Variants in ANO2 observed in about 807,000 individuals in gnomAD.
The protein encoded by ANO2 is anoctamin 2, also known as anoctamin-2.
ANO2 carries 101 observed loss-of-function variants against 124.2 expected under a neutral mutation model. The ratio of observed to expected loss-of-function variants is 0.81; its 90% CI spans 0.69 to 0.96. ANO2 has a LOEUF of 0.96. ANO2 is among the 40% of genes least tolerant of loss of function. The probability of loss-of-function intolerance (pLI) is 0.00; values close to 1 mark genes in which losing one functional copy is unlikely to be tolerated. For missense variants in ANO2, 1,293 were observed against 1,274.5 expected, an observed-to-expected ratio of 1.01 and a Z score of -0.22; for synonymous variants, 486 against 482.5, an observed-to-expected ratio of 1.01 and a Z score of -0.09.
At chr12:5,654,790 T>C (rs1375166345) in intron 14 of ANO2, among the ~76,000 whole-genome samples, 2 of 152,194 alleles carry the variant, frequency 1.3e-5, no homozygotes, top group Non-Finnish European at 2.9e-5. Flanking sequence ...TTATTTACAG[T>C]CTGGCCCATC....
intron 10 of ANO2, among the ~76,000 whole-genome samples, chr12:5,778,427 T>G (rs953580670): frequency 6.6e-6 from 1 of 152,232 alleles, no homozygotes; most frequent in South Asian, 2.1e-4. Flanking sequence ...CACATTATTT[T>G]ACATCTGAAT....
At chr12:5,807,999 G>C (rs531104266) in intron 7 of ANO2, among the ~76,000 whole-genome samples, 1 of 152,234 alleles carries the variant, frequency 6.6e-6, no homozygotes, top group Non-Finnish European at 1.5e-5. Context: ...GTACATAGTG[G>C]GGTGTTGTGG....
intron 10 of ANO2, among the ~76,000 whole-genome samples, chr12:5,776,089 C>T (rs902199818): frequency 7.9e-5 from 12 of 152,178 alleles, no homozygotes; most frequent in African/African-American, 2.2e-4. Context: ...CCTCAGACCA[C>T]GCATCAATAA....
chr12:5,801,749 A>T (rs1019740592), intron 9 of ANO2, among the ~76,000 whole-genome samples: 4 of 152,210 alleles, frequency 2.6e-5, no homozygotes, highest in African/African-American at 7.2e-5. Context: ...TCAGTGCATG[A>T]AGGCAGAGGA....
intron 7 of ANO2, among the ~76,000 whole-genome samples, chr12:5,827,102 C>G (rs1306169425): frequency 6.6e-6 from 1 of 152,196 alleles, no homozygotes; most frequent in African/African-American, 2.4e-5. Context: ...GTTATGGGCA[C>G]AGCTCACATT....
intron 14 of ANO2, among the ~76,000 whole-genome samples, chr12:5,657,852 G>A (rs1057196858): frequency 2.0e-5 from 3 of 152,098 alleles, no homozygotes; most frequent in African/African-American, 7.2e-5. Flanking sequence ...AGGGGACTCT[G>A]ACTGCTTTCA....
At chr12:5,613,043 C>G (rs1370218478) in intron 17 of ANO2, 85 bp from the exon 18 acceptor site, 7 of 1,309,300 alleles carry the variant, frequency 5.3e-6, no homozygotes, top group Non-Finnish European at 7.7e-6. Context: ...GGGAATACCA[C>G]CACCACTGTC....
chr12:5,780,683 A>G (rs1321205441), intron 10 of ANO2, among the ~76,000 whole-genome samples: 1 of 152,194 alleles, frequency 6.6e-6, no homozygotes, highest in Non-Finnish European at 1.5e-5. Flanking sequence ...ACGTGGCCGC[A>G]GGAGGATCCT....
intron 14 of ANO2, among the ~76,000 whole-genome samples, chr12:5,726,555 T>A (rs1950449135): frequency 1.3e-5 from 2 of 152,232 alleles, no homozygotes; most frequent in South Asian, 4.1e-4. Flanking sequence ...TGCCATGTAT[T>A]ATCATTGATC....
chr12:5,578,473 A>G lies in ANO2; in HGVS notation c.2279T>C (p.Leu760Pro), dbSNP rs1942553825. The G allele has an allele frequency of 1.5e-5, 25 of 1,613,858 alleles. No homozygotes were observed. In the East Asian group the frequency reaches 5.6e-4, roughly 36 times the overall value. The change falls in exon 21 of 25, where the codon CTG (leucine) becomes CCG (proline). Residue 760 changes from leucine to proline, a missense_variant. Leu to Pro is a moderately conservative substitution (Grantham distance 98, BLOSUM62 -3). Transcript: ENST00000682330. The part of the protein sequence containing the change: ...FVTLFVASFP[L>P]APVFALLNNV... ...GTTGAGGAGGGCAAACACAGGTGCC[A>G]GGGGAAAGGAGGCCACGAAGAGGGT...
chr12:5,794,362 A>G (rs899503133), intron 10 of ANO2, among the ~76,000 whole-genome samples: 1 of 152,182 alleles, frequency 6.6e-6, no homozygotes, highest in South Asian at 2.1e-4. Flanking sequence ...ATCCTTACAG[A>G]CAAGGTCTGC....
At chr12:5,873,828 G>A (rs750709628) in intron 3 of ANO2, among the ~76,000 whole-genome samples, 7 of 152,214 alleles carry the variant, frequency 4.6e-5, no homozygotes, top group Admixed American at 3.3e-4. Context: ...CAAAGAATGT[G>A]ACAACTGCAC....
At chr12:5,637,006 G>C (rs1454974541) in intron 15 of ANO2, among the ~76,000 whole-genome samples, 1 of 151,138 alleles carries the variant, frequency 6.6e-6, no homozygotes, top group East Asian at 1.9e-4. Context: ...GGTGTGTGTG[G>C]GTGTGGGGAG....
At chr12:5,566,774 C>G (rs964281145) in intron 23 of ANO2, among the ~76,000 whole-genome samples, 4 of 152,148 alleles carry the variant, frequency 2.6e-5, no homozygotes, top group African/African-American at 7.2e-5. Context: ...AAGTGTGTGG[C>G]CAGAGTCTCG....
intron 14 of ANO2, among the ~76,000 whole-genome samples, chr12:5,681,596 G>A (rs1022918717): frequency 3.3e-5 from 5 of 152,158 alleles, no homozygotes; most frequent in South Asian, 2.1e-4. Flanking sequence ...AGTGCAAGTC[G>A]CATTAAAAGT....
chr12:5,597,248 CT>C (rs1943708585), intron 20 of ANO2, among the ~76,000 whole-genome samples: 1 of 152,132 alleles, frequency 6.6e-6, no homozygotes, highest in Non-Finnish European at 1.5e-5. Context: ...TCTCCCTCTT[CT>C]CATCCCCACC....
At chr12:5,858,015 A>C (rs1955158106) in intron 3 of ANO2, among the ~76,000 whole-genome samples, 1 of 152,218 alleles carries the variant, frequency 6.6e-6, no homozygotes, top group Non-Finnish European at 1.5e-5. Flanking sequence ...TGGTTATTAG[A>C]GGCTGGGCAA....
At chr12:5,940,011 C>A (rs767456699) in intron 1 of ANO2, among the ~76,000 whole-genome samples, 5 of 152,142 alleles carry the variant, frequency 3.3e-5, no homozygotes, top group African/African-American at 1.2e-4. Flanking sequence ...CAGTTCAGCA[C>A]CCAGGACAAG....
chr12:5,859,833 C>T (rs1279560772), intron 3 of ANO2, among the ~76,000 whole-genome samples: 1 of 152,180 alleles, frequency 6.6e-6, no homozygotes, highest in Non-Finnish European at 1.5e-5. Context: ...CACATCTGAC[C>T]TGTCCATTTC....
Sources: gnomAD v4.1 joint callset for allele counts (sites outside exome capture counted in the v4.1 genomes callset) on GRCh38, gnomAD v4.1.1 for gene constraint, MANE v1.5 for transcripts, NCBI Gene and HGNC (gene_info 2026-07-23, HGNC 2026-07-21) for gene names.